Variants in ART1 observed in about 807,000 individuals in gnomAD.
ART1 encodes ADP-ribosyltransferase 1, also known as GPI-linked NAD(P)(+)--arginine ADP-ribosyltransferase 1.
A neutral mutation model predicts 27.0 loss-of-function variants in ART1; 29 were observed. The ratio of observed to expected loss-of-function variants is 1.08; its 90% CI spans 0.80 to 1.47. The LOEUF (loss-of-function observed/expected upper bound fraction) is 1.47. Ranked by LOEUF, ART1 falls within the 40% of genes most tolerant of loss-of-function variation. The probability of loss-of-function intolerance (pLI) is 0.00; values close to 1 mark genes in which losing one functional copy is unlikely to be tolerated. For synonymous variants in ART1, 201 were observed against 172.2 expected, an observed-to-expected ratio of 1.17 and a Z score of -1.31; for missense variants, 480 against 423.0, an observed-to-expected ratio of 1.13 and a Z score of -1.18.
At chr11:3,646,059 TTTTG>T (rs998860983) in intron 1 of ART1, among the ~76,000 whole-genome samples, 2 of 140,608 alleles carry the variant, frequency 1.4e-5, no homozygotes, top group African/African-American at 6.4e-5. Flanking sequence ...TGTTTGTTTG[TTTTG>T]TTTTTTTTTT....
chr11:3,663,312 C>T (rs1398096255), intron 4 of ART1, among the ~76,000 whole-genome samples: 1 of 152,170 alleles, frequency 6.6e-6, no homozygotes, highest in Non-Finnish European at 1.5e-5. Flanking sequence ...CAGCTTCCAA[C>T]CCAGGCATCT....
intron 1 of ART1, among the ~76,000 whole-genome samples, chr11:3,652,200 T>C (rs530223736): frequency 0.058 from 8,532 of 147,374 alleles, 566 homozygotes; most frequent in African/African-American, 0.16. Context: ...CTAAAATACC[T>C]CTTAGTCTAG....
intron 1 of ART1, among the ~76,000 whole-genome samples, chr11:3,655,288 A>C (rs2077563700): frequency 6.6e-6 from 1 of 151,658 alleles, no homozygotes; most frequent in Non-Finnish European, 1.5e-5. Flanking sequence ...TTCTTTGTAA[A>C]GTGATCCCAA....
chr11:3,659,781 G>A lies in ART1; in HGVS notation c.262G>A (p.Glu88Lys), dbSNP rs772426678. Residue 88 changes from glutamate (E) to lysine (K), a missense_variant, in exon 3 of 5, where the codon GAG becomes AAG. Coordinates refer to ENST00000250693, the MANE Select transcript of ART1 (RefSeq NM_004314.3). ...SWTLASSQWQ[E>K]RQARWPEWSL... is the part of the protein sequence containing the mutation. ...GACACTGGCAAGCAGCCAATGGCAG[G>A]AGCGTCAGGCCAGGTGGCCAGAGTG... The A allele has an allele frequency of 5.0e-6, 8 of 1,613,418 alleles. No individual in the cohort carries two copies. Among genetic ancestry groups the A allele is most frequent in the Non-Finnish European group, 5.1e-6 (6 of 1,179,902 alleles).
chr11:3,661,926 G>A (rs574552004), intron 4 of ART1, among the ~76,000 whole-genome samples: 1 of 152,364 alleles, frequency 6.6e-6, no homozygotes, highest in South Asian at 2.1e-4. Flanking sequence ...GGTTGAGGGA[G>A]CAGGGACACC....
intron 1 of ART1, among the ~76,000 whole-genome samples, chr11:3,656,790 CTGT>C (rs1475177095): frequency 3.3e-5 from 5 of 152,174 alleles, no homozygotes; most frequent in African/African-American, 9.7e-5. Flanking sequence ...CCATGGCTGG[CTGT>C]TGTTCATAAT....
chr11:3,655,575 G>C (rs553577956), intron 1 of ART1: 28 of 152,340 alleles, frequency 1.8e-4, no homozygotes, highest in African/African-American at 5.3e-4. Context: ...CTGACAGCCT[G>C]CATGAGAACT....
intron 1 of ART1, among the ~76,000 whole-genome samples, chr11:3,658,566 G>A (rs1046557860): frequency 2.6e-4 from 39 of 152,012 alleles, no homozygotes; most frequent in African/African-American, 8.9e-4. Flanking sequence ...GTTTATATCT[G>A]TCCCTCCCTG....
At chr11:3,662,351 T>C (rs1428725102) in intron 4 of ART1, among the ~76,000 whole-genome samples, 1 of 152,210 alleles carries the variant, frequency 6.6e-6, no homozygotes, top group Non-Finnish European at 1.5e-5. Flanking sequence ...TAGGTGGGAA[T>C]GGGCCATTTC....
intron 1 of ART1, among the ~76,000 whole-genome samples, chr11:3,652,091 C>T (rs549051808): frequency 1.1e-4 from 17 of 151,632 alleles, no homozygotes; most frequent in African/African-American, 2.7e-4. Context: ...CCTCAGGGAT[C>T]ATTCAGGCCC....
chr11:3,664,057 C>G (rs964331658), intron 4 of ART1, 35 bp from the exon 5 acceptor site: 3 of 1,602,596 alleles, frequency 1.9e-6, no homozygotes, highest in Non-Finnish European at 2.6e-6. Context: ...TTTTCTCTCT[C>G]TCTCCCCCAA....
chr11:3,655,870 T>A (rs1388607943), intron 1 of ART1, among the ~76,000 whole-genome samples: 1 of 149,892 alleles, frequency 6.7e-6, no homozygotes, highest in Non-Finnish European at 1.5e-5. Context: ...GAGGAACTAG[T>A]AACAGCAGCT....
In ART1 at chr11:3,653,828, C is replaced by A. The variant is rs1344273701; in HGVS notation, c.-52-5334C>A. On this transcript the variant is annotated intron_variant, in intron 1 of 4. Coordinates refer to ENST00000250693, the MANE Select transcript of ART1 (RefSeq NM_004314.3). ...TCACTGCCATTCTCCCATCAGACAT[C>A]AAGTCTTGTAAATTCCACCTCCTAC... Among the ~76,000 whole-genome samples the A allele has an allele frequency of 3.3e-4, 43 of 132,086 alleles. 2 individuals are homozygous for A. Among genetic ancestry groups the A allele is most frequent in the Admixed American group, 4.5e-4 (6 of 13,260 alleles). 86.7% of individuals were successfully genotyped at this position (132,086 alleles called of 152,430 possible).
chr11:3,663,810 A>G, intron 4 of ART1: 1 of 325,346 alleles, frequency 3.1e-6, no homozygotes, highest in Non-Finnish European at 5.7e-6. Context: ...GGTTGCCTAA[A>G]ATTTTTTAAG....
At chr11:3,655,054 G>C (rs2077559770) in intron 1 of ART1, among the ~76,000 whole-genome samples, 1 of 152,204 alleles carries the variant, frequency 6.6e-6, no homozygotes, top group Non-Finnish European at 1.5e-5. Context: ...ATGGTCTTTG[G>C]GTTGACGGCA....
rs1353528888 is a variant in ART1 at position 3,660,027 on chromosome 11, C to T, written c.508C>T (p.Arg170Cys). Reference protein sequence around the residue: ...EALQLLGSGQRPPRCHQVFRG... With the variant: ...EALQLLGSGQCPPRCHQVFRG... The stretch of plus-strand genomic sequence containing the variant: ...CCTGCAGCTCCTGGGCAGCGGCCAG[C>T]GTCCACCCCGGTGCCACCAGGTGTT... Residue 170 changes from arginine to cysteine, a missense_variant, in exon 3 of 5, where the codon CGT becomes TGT. Coordinates refer to ENST00000250693, the MANE Select transcript of ART1 (RefSeq NM_004314.3). 8.1e-6 allele frequency: 13 copies of T among 1,613,696 alleles called. No individual in the cohort carries two copies. Among genetic ancestry groups the T allele is most frequent in the East Asian group, 4.5e-5 (2 of 44,894 alleles).
chr11:3,653,629 G>A (rs149442103), intron 1 of ART1, among the ~76,000 whole-genome samples: 1,743 of 152,244 alleles, frequency 0.011, 29 homozygotes, highest in African/African-American at 0.039. Context: ...TCACACGGAC[G>A]CGCATGAAAA....
At chr11:3,655,906 G>C in intron 1 of ART1, among the ~76,000 whole-genome samples, 1 of 145,510 alleles carries the variant, frequency 6.9e-6, no homozygotes, top group South Asian at 2.2e-4. Flanking sequence ...GACTTCAAGA[G>C]ACCACAGACA....
intron 4 of ART1, chr11:3,663,672 C>G (rs971624993): frequency 6.3e-6 from 1 of 159,826 alleles, no homozygotes; most frequent in Non-Finnish European, 1.4e-5. Context: ...TCACTGTAGC[C>G]TCAAACTCTT....
Sources: gnomAD v4.1 joint callset for allele counts (sites outside exome capture counted in the v4.1 genomes callset) on GRCh38, gnomAD v4.1.1 for gene constraint, MANE v1.5 for transcripts, NCBI Gene and HGNC (gene_info 2026-07-23, HGNC 2026-07-21) for gene names.